The following PTDSS2 variants were observed in gnomAD, a reference collection of about 807,000 sequenced individuals.
The protein encoded by PTDSS2 is PSS-2.
In PTDSS2, 41 loss-of-function variants were observed where a neutral mutation model predicts 64.7. That is an observed-to-expected ratio of 0.63 (90% confidence interval 0.49 to 0.82). The LOEUF (loss-of-function observed/expected upper bound fraction) is 0.82, where lower values mean the gene tolerates loss of function less well. PTDSS2 is among the 40% of genes least tolerant of loss of function. PTDSS2 has a pLI of 0.00. For synonymous variants in PTDSS2, 297 were observed against 277.8 expected, an observed-to-expected ratio of 1.07 and a Z score of -0.69; for missense variants, 485 against 650.0, an observed-to-expected ratio of 0.75 and a Z score of 2.76.
upstream of PTDSS2, among the ~76,000 whole-genome samples, chr11:448,798 A>C (rs1485629223): frequency 6.6e-6 from 1 of 152,256 alleles, no homozygotes; most frequent in Non-Finnish European, 1.5e-5. Context: ...TACTTCACAT[A>C]TCATGCAGTT....
upstream of PTDSS2, among the ~76,000 whole-genome samples, chr11:448,995 G>T (rs1337789056): frequency 6.6e-6 from 1 of 151,366 alleles, no homozygotes; most frequent in African/African-American, 2.4e-5. Context: ...TCATAGATTT[G>T]CATTTCCTGG....
At position 489,636 on chromosome 11, in the gene PTDSS2, A is replaced by T; in HGVS notation, c.1018A>T (p.Met340Leu). 1 of 1,595,342 alleles carries T rather than the reference A, an allele frequency of 6.3e-7. No homozygotes were observed. Among genetic ancestry groups the T allele is most frequent in the Non-Finnish European group, 8.5e-7 (1 of 1,170,884 alleles). The change falls in exon 10 of 12, where the codon ATG (methionine) becomes TTG (leucine). Residue 340 changes from methionine (M) to leucine (L), a missense_variant. Met to Leu is a conservative substitution (Grantham distance 15). This residue lies in a region of PTDSS2 where 219 missense variants were observed against 257.3 expected (regional missense o/e 0.85). Coordinates refer to ENST00000308020, the MANE Select transcript of PTDSS2 (RefSeq NM_030783.3). Reference sequence around the variant, plus strand: ...GTTCTACCTGAAGTTTGTGCTGTGGATGCCCCCGGAGCACTACCTGGTCCT... The same window carrying T: ...GTTCTACCTGAAGTTTGTGCTGTGGTTGCCCCCGGAGCACTACCTGGTCCT... ...NTFYLKFVLW[M>L]PPEHYLVLLR...
rs535421786 is a variant in PTDSS2 at position 475,655 on chromosome 11, C to T, written c.367+1678C>T. On this transcript the variant is annotated intron_variant, in intron 3 of 11. Coordinates refer to ENST00000308020, the MANE Select transcript of PTDSS2 (RefSeq NM_030783.3). ...TGTGCATTCTCCACTTCAGGTTCAA[C>T]GACTTTAGTCATTTCCTTACTAATT... Among the ~76,000 whole-genome samples the T allele has an allele frequency of 1.7e-3, 264 of 152,258 alleles. 9 individuals carry two copies. In the South Asian group the frequency reaches 0.048, roughly 28 times the overall value.
rs185746265 is a variant in PTDSS2 at position 470,683 on chromosome 11, G to A, written c.285-3212G>A. On this transcript the variant is annotated intron_variant, in intron 2 of 11. Transcript: ENST00000308020. This position sits in a 1 kb window ranked among gnomAD's most constrained non-coding sequence, Gnocchi z 5.3. ...CGGCTCACTGCAACCTCCGCCTCTC[G>A]GGTTCAAGTGATTCTCCTGCCTCAG... is the stretch of plus-strand genomic sequence containing the variant. 2.5e-3 allele frequency among the ~76,000 whole-genome samples: 385 copies of A among 151,518 alleles called. 2 individuals carry two copies. The highest frequency in any genetic ancestry group is 2.1e-3 in the Non-Finnish European group (143 of 67,836).
chr11:487,390 G>T (rs1000053565), intron 5 of PTDSS2, 30 bp from the exon 6 acceptor site: 8 of 1,610,460 alleles, frequency 5.0e-6, no homozygotes, highest in Admixed American at 3.3e-5. Flanking sequence ...CTGTGCCCCA[G>T]GGTCAAGGGT....
At chr11:490,160 CT>C in intron 11 of PTDSS2, 92 bp downstream of exon 11, 2 of 1,366,250 alleles carry the variant, frequency 1.5e-6, no homozygotes, top group Non-Finnish European at 2.0e-6. Flanking sequence ...TCGTTGGTGT[CT>C]CACTGTCCCT....
rs527564668 is a variant in PTDSS2, at chr11:472,395, GC to G, written c.285-1499del. ...GTGACAGGGACGCGGGCCCCACCTT[GC>G]TGAACCCAGCAGCGAGGGCATCTCT... On this transcript the variant is annotated intron_variant, in intron 2 of 11. Coordinates refer to ENST00000308020, the MANE Select transcript of PTDSS2 (RefSeq NM_030783.3). 5.3e-5 allele frequency among the ~76,000 whole-genome samples: 8 copies of G among 152,352 alleles called. No homozygotes were observed. In the East Asian group the frequency reaches 1.5e-3, roughly 29 times the overall value.
Position 461,527 on chromosome 11 carries a change from G to C in PTDSS2, c.284+1239G>C, listed in dbSNP as rs946085838. The stretch of plus-strand genomic sequence containing the variant: ...CACCCTCCATCCTCACCTGGGAGGC[G>C]CAGGTGGCCTCTCCTGTCCTGGTCT... On this transcript the variant is annotated intron_variant, in intron 2 of 11. Coordinates refer to ENST00000308020, the MANE Select transcript of PTDSS2 (RefSeq NM_030783.3). The surrounding 1 kb of genome is among the most constrained non-coding windows in gnomAD (Gnocchi z 4.2). Among the ~76,000 whole-genome samples the C allele has an allele frequency of 6.6e-6, 1 of 152,104 alleles. No individual in the cohort carries two copies. The highest frequency in any genetic ancestry group is 2.4e-5 in the African/African-American group (1 of 41,434).
At chr11:466,814 C>T (rs1156261415) in intron 2 of PTDSS2, among the ~76,000 whole-genome samples, 8 of 152,118 alleles carry the variant, frequency 5.3e-5, no homozygotes, top group African/African-American at 9.7e-5. Flanking sequence ...TCCCTCCACA[C>T]GTGGGGATTA....
rs1564994481 is a variant in PTDSS2 at position 486,931 on chromosome 11, C to G, written c.436-8C>G. ...GTAGCCCCGCTGACGGGGGCACTGGCCTTGCAGACTGTCCAGGACGGCCGG... is the reference window on the plus strand; with the variant it reads ...GTAGCCCCGCTGACGGGGGCACTGGGCTTGCAGACTGTCCAGGACGGCCGG... On this transcript the variant is annotated splice_polypyrimidine_tract_variant and splice_region_variant and intron_variant, in intron 4 of 11. Transcript: ENST00000308020. 3.7e-6 allele frequency: 6 copies of G among 1,607,098 alleles called. No individual in the cohort carries two copies. Among genetic ancestry groups the G allele is most frequent in the Non-Finnish European group, 4.3e-6 (5 of 1,176,266 alleles).
chr11:469,679 C>T (rs1268507038), intron 2 of PTDSS2, among the ~76,000 whole-genome samples: 1 of 151,968 alleles, frequency 6.6e-6, no homozygotes, highest in African/African-American at 2.4e-5. Flanking sequence ...GCTGTACAAG[C>T]TGAGGGGGCC....
intron 1 of PTDSS2, among the ~76,000 whole-genome samples, chr11:457,266 C>T (rs1846639197): frequency 6.6e-6 from 1 of 152,240 alleles, no homozygotes. Flanking sequence ...CGCCCATGCA[C>T]CGCCACAACC....
At chr11:469,992 G>C (rs369064464) in intron 2 of PTDSS2, among the ~76,000 whole-genome samples, 2 of 152,320 alleles carry the variant, frequency 1.3e-5, no homozygotes, top group East Asian at 3.9e-4. Flanking sequence ...AGCCCATAGT[G>C]ATATAAGTGA....
chr11:472,381 G>A (rs935267960), intron 2 of PTDSS2, among the ~76,000 whole-genome samples: 1 of 152,238 alleles, frequency 6.6e-6, no homozygotes, highest in Non-Finnish European at 1.5e-5. Context: ...TGACAGGGAC[G>A]CGGGCCCCAC....
chr11:484,831 G>T (rs1848236596), intron 4 of PTDSS2, among the ~76,000 whole-genome samples: 1 of 142,706 alleles, frequency 7.0e-6, no homozygotes. Context: ...CGTGTGCGCA[G>T]GCGAGTGTAA....
At chr11:458,292 C>T (rs929551634) in intron 1 of PTDSS2, among the ~76,000 whole-genome samples, 1 of 151,502 alleles carries the variant, frequency 6.6e-6, no homozygotes, top group Non-Finnish European at 1.5e-5. Context: ...GCAGGCTCCG[C>T]CTCCCGGGTT....
chr11:450,789 C>A, intron 1 of PTDSS2, 152 bp downstream of exon 1: 1 of 712,578 alleles, frequency 1.4e-6, no homozygotes, highest in Non-Finnish European at 1.9e-6. Flanking sequence ...CACCGCCCCC[C>A]GGGTCCCGGG....
At chr11:454,614 G>T (rs1452088950) in intron 1 of PTDSS2, among the ~76,000 whole-genome samples, 1 of 152,090 alleles carries the variant, frequency 6.6e-6, no homozygotes, top group African/African-American at 2.4e-5. Flanking sequence ...AGACCAGCCT[G>T]GCCAATATGG....
chr11:457,305 G>A (rs560688186), intron 1 of PTDSS2, among the ~76,000 whole-genome samples: 6 of 152,374 alleles, frequency 3.9e-5, no homozygotes, highest in East Asian at 3.9e-4. Flanking sequence ...TCCATCATCC[G>A]GAAGGCCCGT....
Sources: gnomAD v4.1 joint callset for allele counts (sites outside exome capture counted in the v4.1 genomes callset) on GRCh38, gnomAD v4.1.1 for gene constraint, gnomAD v4.1.1 regional missense constraint, Gnocchi (gnomAD v3.1) non-coding constraint, MANE v1.5 for transcripts, NCBI Gene and HGNC (gene_info 2026-07-23, HGNC 2026-07-21) for gene names.